The following DYNC1LI2 variants were observed in gnomAD, a reference collection of about 807,000 sequenced individuals.
DYNC1LI2 encodes the protein dynein cytoplasmic 1 light intermediate chain 2, also known as cytoplasmic dynein 1 light intermediate chain 2.
DYNC1LI2 carries 19 observed loss-of-function variants against 57.8 expected under a neutral mutation model. That is an observed-to-expected ratio of 0.33 (90% confidence interval 0.23 to 0.48). The LOEUF is 0.48. DYNC1LI2 is among the 20% of genes least tolerant of loss of function. DYNC1LI2 has a pLI of 0.99. For synonymous variants in DYNC1LI2, 256 were observed against 233.4 expected (o/e 1.10, Z -0.88); for missense variants, 470 against 604.2 (o/e 0.78, Z 2.33).
intron 6 of DYNC1LI2, 69 bp downstream of exon 6, chr16:66,734,149 A>T: frequency 6.8e-7 from 1 of 1,466,974 alleles, no homozygotes; most frequent in Non-Finnish European, 9.5e-7. Flanking sequence ...GAGGTGCTTT[A>T]TCTCTTTGAA....
rs1213933201 is a variant in DYNC1LI2 at position 66,727,745 on chromosome 16, T to C, written c.1204A>G (p.Ser402Gly). ...GTGCCTGGGGAGGAGCTAGGCACAC[T>C]GGCTGGCCCTCCCCGACCCTGGGTC... ...PRTQGRGGPA[S>G]VPSSSPGTSV... is the part of the protein sequence containing the mutation. Residue 402 changes from serine (S) to glycine (G), a missense_variant, in exon 11 of 13, where the codon AGT becomes GGT. Transcript: ENST00000258198. 6.2e-7 allele frequency: 1 copy of C among 1,614,022 alleles called. No homozygotes were observed. Among genetic ancestry groups the C allele is most frequent in the African/African-American group, 1.3e-5 (1 of 74,930 alleles).
Position 66,727,701 on chromosome 16 carries a change from G to T in DYNC1LI2, c.1248C>A (p.Asp416Glu). 1 of 1,614,012 alleles carries T rather than the reference G, an allele frequency of 6.2e-7. No individual in the cohort carries two copies. Among genetic ancestry groups the T allele is most frequent in the South Asian group, 1.1e-5 (1 of 91,060 alleles). Residue 416 changes from aspartate to glutamate, a missense_variant, in exon 11 of 13, where the codon GAC becomes GAA. Transcript: ENST00000258198. Reference sequence around the variant, plus strand: ...AGGAATACATACTTTTGATGTTTGGGTCCGGCTTTTTTACTGACGTGCCTG... The same window carrying T: ...AGGAATACATACTTTTGATGTTTGGTTCCGGCTTTTTTACTGACGTGCCTG... ...SSPGTSVKKP[D>E]PNIKNNAASE...
chr16:66,747,404 G>C (rs1167655192), intron 3 of DYNC1LI2, among the ~76,000 whole-genome samples: 2 of 152,030 alleles, frequency 1.3e-5, no homozygotes, highest in African/African-American at 4.8e-5. Flanking sequence ...ACAGCTCTTG[G>C]AGATGGTAGA....
intron 5 of DYNC1LI2, among the ~76,000 whole-genome samples, chr16:66,735,709 T>C (rs1403819992): frequency 6.6e-6 from 1 of 152,010 alleles, no homozygotes; most frequent in African/African-American, 2.4e-5. Context: ...GGTTTCACCA[T>C]GTTAGCTAGG....
chr16:66,734,445 G>T, intron 5 of DYNC1LI2, 134 bp from the exon 6 acceptor site: 2 of 817,934 alleles, frequency 2.4e-6, no homozygotes, highest in African/African-American at 3.5e-5. Flanking sequence ...ATTAATTAGA[G>T]AAGAGTAAAA....
At position 66,725,939 on chromosome 16, in the gene DYNC1LI2, C is replaced by G; in HGVS notation, c.1267G>C (p.Ala423Pro). The change falls in exon 12 of 13, where the codon GCA becomes CCA. Residue 423 changes from alanine (A) to proline (P), a missense_variant. Transcript: ENST00000258198. ...CTGGCCAACACCCCTTCACTTGCTG[C>G]ATTATCTAAGGAAAATTAAAGAGAA... ...KKPDPNIKNN[A>P]ASEGVLASFF... 1 of 1,611,516 alleles carries G rather than the reference C, an allele frequency of 6.2e-7. No individual in the cohort carries two copies. Among genetic ancestry groups the G allele is most frequent in the Non-Finnish European group, 8.5e-7 (1 of 1,179,240 alleles).
At chr16:66,745,693 C>G (rs117663966) in intron 3 of DYNC1LI2, among the ~76,000 whole-genome samples, 1,987 of 151,730 alleles carry the variant, frequency 0.013, 29 homozygotes, top group Middle Eastern at 0.048. Flanking sequence ...CACTTGAGCT[C>G]AAGAGTTCAG....
intron 4 of DYNC1LI2, chr16:66,738,207 A>C (rs2017770082): frequency 6.6e-6 from 1 of 150,776 alleles, no homozygotes; most frequent in South Asian, 2.1e-4. Flanking sequence ...ATTAGGCCCT[A>C]AAGTGCAGAT....
intron 6 of DYNC1LI2, chr16:66,732,677 A>C: frequency 2.3e-6 from 1 of 437,816 alleles, no homozygotes; most frequent in Non-Finnish European, 3.9e-6. Context: ...ATAAATAAAA[A>C]AGTAAAAAGG....
rs2017477320 is a variant in DYNC1LI2 at position 66,723,147 on chromosome 16, T to C, written c.*575A>G. ...CTAATTCCCATTTTGCTTAGTGTTTTGTTTGGAAATGCTTCTAACAATGAT... is the reference window on the plus strand; with the variant it reads ...CTAATTCCCATTTTGCTTAGTGTTTCGTTTGGAAATGCTTCTAACAATGAT... On this transcript the variant is annotated 3_prime_UTR_variant, in exon 13 of 13. Coordinates refer to ENST00000258198, the MANE Select transcript of DYNC1LI2 (RefSeq NM_006141.3). The C allele has an allele frequency of 1.5e-5, 5 of 344,028 alleles. No individual in the cohort carries two copies. The highest frequency in any genetic ancestry group is 1.1e-4 in the South Asian group (5 of 44,076). The allele number at this position is 344,028 out of a possible 1,614,324, so 21.3% of individuals were successfully genotyped here.
rs922347422 is a variant in DYNC1LI2, at chr16:66,722,700, A to AGGG, written c.*1019_*1021dup. On this transcript the variant is annotated 3_prime_UTR_variant, in exon 13 of 13. Coordinates refer to ENST00000258198, the MANE Select transcript of DYNC1LI2 (RefSeq NM_006141.3). ...TGAAGCTTTCCACAAGTCATAAGGCAGGGCTTGGTACGAGCCAATTAACCA... is the reference window on the plus strand; with the variant it reads ...TGAAGCTTTCCACAAGTCATAAGGCAGGGGGGCTTGGTACGAGCCAATTAACCA... 1.3e-5 allele frequency: 2 copies of AGGG among 152,962 alleles called. No homozygotes were observed. Among genetic ancestry groups the AGGG allele is most frequent in the Non-Finnish European group, 2.9e-5 (2 of 68,274 alleles). 9.5% of individuals were successfully genotyped at this position (152,962 alleles called of 1,614,324 possible).
At chr16:66,728,960 C>A in intron 9 of DYNC1LI2, 80 bp downstream of exon 9, 1 of 1,473,332 alleles carries the variant, frequency 6.8e-7, no homozygotes, top group Non-Finnish European at 9.5e-7. Context: ...TTCCCACATG[C>A]AGACACCCCC....
chr16:66,728,003 T>G (rs1288014054), intron 10 of DYNC1LI2, 198 bp from the exon 11 acceptor site: 2 of 885,548 alleles, frequency 2.3e-6, no homozygotes, highest in Non-Finnish European at 3.4e-6. Context: ...CAGCTCACTC[T>G]AATTCCCAGA....
At chr16:66,736,433 T>G in intron 4 of DYNC1LI2, among the ~76,000 whole-genome samples, 189 bp from the exon 5 acceptor site, 1 of 152,188 alleles carries the variant, frequency 6.6e-6, no homozygotes, top group Non-Finnish European at 1.5e-5. Flanking sequence ...TCTGAAATAT[T>G]CAGTGTGAGC....
intron 3 of DYNC1LI2, among the ~76,000 whole-genome samples, chr16:66,747,875 GAAAGT>G (rs1422724444): frequency 6.6e-6 from 1 of 152,110 alleles, no homozygotes; most frequent in African/African-American, 2.4e-5. Context: ...CTGCCCTAAA[GAAAGT>G]AATTTAGTGA....
At chr16:66,750,843 CAA>C (rs1425591674) in intron 2 of DYNC1LI2, among the ~76,000 whole-genome samples, 1 of 152,162 alleles carries the variant, frequency 6.6e-6, no homozygotes, top group African/African-American at 2.4e-5. Flanking sequence ...CTGTCCTCTG[CAA>C]AGTCCCTAAA....
chr16:66,729,272 A>G (rs1477030303), intron 8 of DYNC1LI2, among the ~76,000 whole-genome samples, 173 bp from the exon 9 acceptor site: 1 of 152,188 alleles, frequency 6.6e-6, no homozygotes, highest in East Asian at 1.9e-4. Context: ...TCCCAAAACC[A>G]GCCGCAGCAT....
rs371002522 is a variant in DYNC1LI2 at position 66,742,589 on chromosome 16, T to C, written c.378A>G (p.Glu126=). The change falls in exon 4 of 13, where the codon GAA becomes GAG. Residue 126 remains glutamate, a synonymous_variant. Transcript: ENST00000258198. ...KGLLKFAVSA[E]SLPETLVIFV... is the part of the protein sequence containing the mutation. ...AAATGACGAGGGTCTCTGGCAAGGA[T>C]TCAGCAGAAACTGCAAATTTCAGCA... 178 of 1,614,042 alleles carry C rather than the reference T, an allele frequency of 1.1e-4. No individual in the cohort carries two copies. In the Middle Eastern group the frequency reaches 1.2e-3, roughly 10 times the overall value.
intron 3 of DYNC1LI2, among the ~76,000 whole-genome samples, chr16:66,745,280 A>G (rs1284040787): frequency 6.6e-6 from 1 of 151,834 alleles, no homozygotes; most frequent in Non-Finnish European, 1.5e-5. Context: ...TCTTTTTGTG[A>G]TGAGTTTTAC....
Sources: gnomAD v4.1 joint callset for allele counts (sites outside exome capture counted in the v4.1 genomes callset) on GRCh38, gnomAD v4.1.1 for gene constraint, MANE v1.5 for transcripts, NCBI Gene and HGNC (gene_info 2026-07-23, HGNC 2026-07-21) for gene names.